Variants in NAA35 observed in about 807,000 individuals in gnomAD.
NAA35 encodes the protein MAK10 homolog, amino-acid N-acetyltransferase subunit.
NAA35 carries 18 observed loss-of-function variants against 101.7 expected under a neutral mutation model. The observed-to-expected ratio is 0.18, with a 90% CI of 0.12 to 0.26. The LOEUF is 0.26. NAA35 is among the 10% of genes least tolerant of loss of function. The pLI, the probability that NAA35 is intolerant of heterozygous loss-of-function variation, is 1.00. For missense variants in NAA35, 601 were observed against 886.8 expected, an observed-to-expected ratio of 0.68 and a Z score of 4.09; for synonymous variants, 267 against 273.1, an observed-to-expected ratio of 0.98 and a Z score of 0.22.
intron 2 of NAA35, among the ~76,000 whole-genome samples, chr9:85,953,521 GT>G (rs1255847450): frequency 2.6e-4 from 39 of 152,244 alleles, no homozygotes; most frequent in Middle Eastern, 3.4e-3. Context: ...CTGCCTCCTG[GT>G]TTGAGTGATT....
At chr9:85,941,940 G>T (rs1828537759) in intron 1 of NAA35, 1 of 1,244,514 alleles carries the variant, frequency 8.0e-7, no homozygotes, top group Non-Finnish European at 1.0e-6. Context: ...GCCCTGGTAG[G>T]TGGTGGGCTA....
At chr9:85,984,475 A>C (rs1830566846) in intron 11 of NAA35, among the ~76,000 whole-genome samples, 1 of 152,234 alleles carries the variant, frequency 6.6e-6, no homozygotes, top group African/African-American at 2.4e-5. Context: ...TATGATTATG[A>C]AACTTTAGAA....
chr9:85,988,639 A>G lies in NAA35; in HGVS notation c.878-7760A>G, dbSNP rs1054384753. On this transcript the variant is annotated intron_variant, in intron 11 of 22. Transcript: ENST00000361671. ...ACATGGGGAAATCCCCATCTCTACT[A>G]AAAATACAAAATTAGCTGTGGTGGT... Among the ~76,000 whole-genome samples the G allele has an allele frequency of 8.5e-5, 13 of 152,294 alleles. No homozygotes were observed. In the East Asian group the frequency reaches 2.3e-3, roughly 27 times the overall value.
Position 86,013,069 on chromosome 9 carries a change from C to A in NAA35, c.1314C>A (p.Ile438=), listed in dbSNP as rs1453812682. 1 of 1,588,540 alleles carries A rather than the reference C, an allele frequency of 6.3e-7. No homozygotes were observed. The change falls in exon 16 of 23, where the codon ATC becomes ATA. Residue 438 remains isoleucine, a synonymous_variant. Transcript: ENST00000361671. ...CVRPFCSLIQ[I]HGHNRARQRD... is the part of the protein sequence containing the mutation. ...AGCCATTCTGTAGTCTTATTCAGAT[C>A]CATGGACATAACAGGGCTCGACAGA...
intron 2 of NAA35, among the ~76,000 whole-genome samples, chr9:85,951,515 T>C (rs1186412352): frequency 6.6e-6 from 1 of 152,246 alleles, no homozygotes; most frequent in Non-Finnish European, 1.5e-5. Flanking sequence ...ATGGACTCTT[T>C]ATGCTCTGTT....
rs535074389 is a variant in NAA35, at chr9:85,978,385, A to G, written c.877+4A>G. 4 of 1,552,926 alleles carry G rather than the reference A, an allele frequency of 2.6e-6. No homozygotes were observed. Among genetic ancestry groups the G allele is most frequent in the Admixed American group, 1.7e-5 (1 of 59,838 alleles). Reference sequence around the variant, plus strand: ...CAGAATGATACTACAAAAGGAGGTAATTGTTCAATTTGCTCCTACTCTTTC... The same window carrying G: ...CAGAATGATACTACAAAAGGAGGTAGTTGTTCAATTTGCTCCTACTCTTTC... On this transcript the variant is annotated splice_donor_region_variant and intron_variant, in intron 11 of 22. Transcript: ENST00000361671.
At position 86,023,609 on chromosome 9, in the gene NAA35, C is replaced by T. The variant is rs75862125; in HGVS notation, c.*1649C>T. On this transcript the variant is annotated 3_prime_UTR_variant, in exon 23 of 23. Coordinates refer to ENST00000361671, the MANE Select transcript of NAA35 (RefSeq NM_024635.4). ...AAAAAAGGAATGTAGATTAATGCAA[C>T]AAGGGCCCTGCTAGATGATGGGATC... 6.6e-6 allele frequency among the ~76,000 whole-genome samples: 1 copy of T among 152,154 alleles called. No individual in the cohort carries two copies. Among genetic ancestry groups the T allele is most frequent in the Non-Finnish European group, 1.5e-5 (1 of 68,028 alleles).
chr9:85,992,558 T>C (rs1830964291), intron 11 of NAA35, among the ~76,000 whole-genome samples: 1 of 152,172 alleles, frequency 6.6e-6, no homozygotes, highest in East Asian at 1.9e-4. Context: ...AATATAACAT[T>C]AATTCTGTAA....
At chr9:85,967,574 C>T (rs968215710) in intron 6 of NAA35, among the ~76,000 whole-genome samples, 2 of 151,962 alleles carry the variant, frequency 1.3e-5, no homozygotes, top group South Asian at 2.1e-4. Flanking sequence ...TTGAGAGGCC[C>T]GAGGTGGGCA....
At chr9:85,975,934 A>G (rs1830190349) in intron 8 of NAA35, among the ~76,000 whole-genome samples, 1 of 152,170 alleles carries the variant, frequency 6.6e-6, no homozygotes, top group African/African-American at 2.4e-5. Context: ...GCTGCTTTTC[A>G]TAGAGATGGG....
intron 1 of NAA35, 166 bp downstream of exon 1, chr9:85,941,439 G>T (rs1828508438): frequency 1.0e-6 from 1 of 985,324 alleles, no homozygotes. Context: ...GCCCGCTGTC[G>T]GCCGAGGCCC....
chr9:86,018,470 C>A, intron 20 of NAA35, 75 bp downstream of exon 20: 1 of 1,482,146 alleles, frequency 6.7e-7, no homozygotes, highest in Non-Finnish European at 9.1e-7. Flanking sequence ...TTGTACCTAG[C>A]CATCTTGTTA....
chr9:86,010,004 A>ATGCCTGTAATCC, intron 15 of NAA35, 73 bp downstream of exon 15: 2 of 1,223,034 alleles, frequency 1.6e-6, no homozygotes, highest in South Asian at 2.5e-5. Flanking sequence ...ACGGTGGCTC[A>ATGCCTGTAATCC]CTTTGGGAGG....
chr9:86,019,928 G>A (rs893894439), intron 21 of NAA35, among the ~76,000 whole-genome samples: 1 of 152,120 alleles, frequency 6.6e-6, no homozygotes, highest in African/African-American at 2.4e-5. Flanking sequence ...ATCAACAGGG[G>A]ACTAATAAAT....
Position 86,024,920 on chromosome 9 carries a change from G to A in NAA35, c.*2960G>A. On this transcript the variant is annotated 3_prime_UTR_variant, in exon 23 of 23. Transcript: ENST00000361671. ...TTGCTCAGGGAGCTCCTAGAGTAAGGGACTGAGATAGGTCCCAAGGAATAG... is the reference window on the plus strand; with the variant it reads ...TTGCTCAGGGAGCTCCTAGAGTAAGAGACTGAGATAGGTCCCAAGGAATAG... 6.6e-6 allele frequency among the ~76,000 whole-genome samples: 1 copy of A among 152,234 alleles called. No homozygotes were observed. Among genetic ancestry groups the A allele is most frequent in the East Asian group, 1.9e-4 (1 of 5,162 alleles).
intron 6 of NAA35, among the ~76,000 whole-genome samples, chr9:85,967,339 C>T (rs558208790): frequency 6.6e-6 from 1 of 151,956 alleles, no homozygotes; most frequent in Non-Finnish European, 1.5e-5. Flanking sequence ...AGCATTGTAG[C>T]CAACTGTGTA....
At chr9:85,982,823 C>T (rs1830488424) in intron 11 of NAA35, among the ~76,000 whole-genome samples, 1 of 151,956 alleles carries the variant, frequency 6.6e-6, no homozygotes, top group South Asian at 2.1e-4. Flanking sequence ...ATGAAAAAGA[C>T]AGGGAAAGGA....
intron 2 of NAA35, 150 bp from the exon 3 acceptor site, chr9:85,956,210 T>C: frequency 2.1e-6 from 1 of 486,540 alleles, no homozygotes; most frequent in Non-Finnish European, 3.6e-6. Flanking sequence ...GAATGCATTA[T>C]ATTAGTAATT....
Position 86,023,011 on chromosome 9 carries a change from T to C in NAA35, c.*1051T>C, listed in dbSNP as rs1185056091. Among the ~76,000 whole-genome samples, 1 of 152,242 alleles carries C rather than the reference T, an allele frequency of 6.6e-6. No individual in the cohort carries two copies. Among genetic ancestry groups the C allele is most frequent in the Non-Finnish European group, 1.5e-5 (1 of 68,048 alleles). Reference sequence around the variant, plus strand: ...GTCTGTGGTTAAAAGGGTTCTCAGCTTCAAATATCTTAACTCTGATTTGGT... The same window carrying C: ...GTCTGTGGTTAAAAGGGTTCTCAGCCTCAAATATCTTAACTCTGATTTGGT... On this transcript the variant is annotated 3_prime_UTR_variant, in exon 23 of 23. Transcript: ENST00000361671.
Sources: allele counts gnomAD v4.1 joint callset (sites outside exome capture counted in the v4.1 genomes callset), GRCh38; gene constraint gnomAD v4.1.1; transcripts MANE v1.5; gene names NCBI Gene and HGNC (gene_info 2026-07-23, HGNC 2026-07-21).